The following MYO1B variants were observed in gnomAD, a reference collection of about 807,000 sequenced individuals.
The protein encoded by MYO1B is unconventional myosin-Ib.
Under a neutral mutation model 159.7 loss-of-function variants are expected in MYO1B, and 72 were observed. That is an observed-to-expected ratio of 0.45 (90% CI 0.37 to 0.55). The LOEUF (loss-of-function observed/expected upper bound fraction) is 0.55. Ranked by LOEUF, MYO1B falls within the 20% of genes least tolerant of loss-of-function variation. The pLI is 0.00. For missense variants in MYO1B, 1,062 were observed against 1,364.8 expected (o/e 0.78, Z 3.50); for synonymous variants, 468 against 473.8 (o/e 0.99, Z 0.16).
At chr2:191,343,620 T>C (rs1692371751) in intron 5 of MYO1B, among the ~76,000 whole-genome samples, 1 of 152,226 alleles carries the variant, frequency 6.6e-6, no homozygotes, top group South Asian at 2.1e-4. Context: ...TCTTTTGCTT[T>C]TAAGTTGGGG....
At chr2:191,391,397 A>T (rs919520942) in intron 18 of MYO1B, among the ~76,000 whole-genome samples, 1 of 152,200 alleles carries the variant, frequency 6.6e-6, no homozygotes, top group Non-Finnish European at 1.5e-5. Flanking sequence ...GAAACTCCAG[A>T]TGTATGGTGC....
At chr2:191,419,651 G>A (rs955421622) in intron 30 of MYO1B, among the ~76,000 whole-genome samples, 6 of 152,186 alleles carry the variant, frequency 3.9e-5, no homozygotes, top group Non-Finnish European at 8.8e-5. Context: ...ACAGCCCCAT[G>A]TGTATTATTA....
intron 13 of MYO1B, chr2:191,381,205 G>C: frequency 2.0e-6 from 1 of 488,540 alleles, no homozygotes; most frequent in South Asian, 2.1e-5. Context: ...TGTTTGGGGT[G>C]CTTCTCTGTC....
intron 24 of MYO1B, among the ~76,000 whole-genome samples, chr2:191,403,018 A>T (rs554868393): frequency 2.9e-4 from 44 of 152,300 alleles, no homozygotes; most frequent in African/African-American, 8.9e-4. Flanking sequence ...TTGTTTTTTT[A>T]AAATCTGTGA....
chr2:191,339,275 A>G (rs1389171312), intron 4 of MYO1B, among the ~76,000 whole-genome samples: 4 of 152,216 alleles, frequency 2.6e-5, no homozygotes, highest in Non-Finnish European at 5.9e-5. Context: ...GAAGAGCTAT[A>G]CCTTGGACTA....
chr2:191,346,029 T>G (rs115430833), intron 5 of MYO1B, among the ~76,000 whole-genome samples: 103 of 152,302 alleles, frequency 6.8e-4, no homozygotes, highest in Non-Finnish European at 1.2e-3. Flanking sequence ...ATGATTCTCT[T>G]TTTCTATGAA....
intron 20 of MYO1B, among the ~76,000 whole-genome samples, chr2:191,394,756 TTG>T (rs1695962836): frequency 6.6e-6 from 1 of 152,196 alleles, no homozygotes; most frequent in African/African-American, 2.4e-5. Flanking sequence ...CAAGTACTAT[TTG>T]TACCTTTTCT....
intron 3 of MYO1B, 44 bp downstream of exon 3, chr2:191,296,270 G>T: frequency 8.5e-7 from 1 of 1,180,320 alleles, no homozygotes; most frequent in East Asian, 2.5e-5. Context: ...TTACTCCAGA[G>T]ATGTGTAGTT....
At chr2:191,391,785 T>C (rs563336320) in intron 18 of MYO1B, among the ~76,000 whole-genome samples, 11 of 152,256 alleles carry the variant, frequency 7.2e-5, no homozygotes, top group Admixed American at 2.0e-4. Flanking sequence ...CTGAATTTCT[T>C]GCACACCCTC....
At chr2:191,390,514 TTTAA>T (rs1559226654) in intron 18 of MYO1B, 22 bp downstream of exon 18, 4 of 1,603,270 alleles carry the variant, frequency 2.5e-6, no homozygotes, top group Non-Finnish European at 3.4e-6. Flanking sequence ...AGTGACCATA[TTTAA>T]TAATGAATGT....
intron 1 of MYO1B, among the ~76,000 whole-genome samples, chr2:191,270,603 A>G (rs1162468930): frequency 6.6e-6 from 1 of 152,228 alleles, no homozygotes; most frequent in Non-Finnish European, 1.5e-5. Context: ...GCTATTTTAA[A>G]AGATCTAGGA....
chr2:191,351,454 G>A (rs1306564279), intron 7 of MYO1B, among the ~76,000 whole-genome samples: 1 of 128,368 alleles, frequency 7.8e-6, no homozygotes, highest in Non-Finnish European at 1.7e-5. Flanking sequence ...AAACTATGCA[G>A]CTGATTTAAA....
At chr2:191,416,431 G>A (rs1161435118) in intron 30 of MYO1B, 189 bp downstream of exon 30, 1 of 636,244 alleles carries the variant, frequency 1.6e-6, no homozygotes, top group Non-Finnish European at 2.8e-6. Context: ...TGACATCCTA[G>A]TGGAAGAGAC....
At chr2:191,359,937 G>A (rs1693558038) in intron 7 of MYO1B, among the ~76,000 whole-genome samples, 3 of 152,086 alleles carry the variant, frequency 2.0e-5, no homozygotes, top group Admixed American at 1.3e-4. Flanking sequence ...AGATTTATGG[G>A]TTGAAAAATT....
chr2:191,278,518 C>T (rs1301201999), intron 2 of MYO1B, among the ~76,000 whole-genome samples: 1 of 152,204 alleles, frequency 6.6e-6, no homozygotes, highest in South Asian at 2.1e-4. Context: ...TCATTCTTCT[C>T]ACTTTGTATT....
Position 191,402,737 on chromosome 2 carries a change from G to C in MYO1B, c.2556+19G>C, listed in dbSNP as rs1244967889. ...ACTGAAGGTACTTCCTCAACCACTT[G>C]TTTCTGTCCAGGGTGAACTTCATAA... On this transcript the variant is annotated intron_variant, in intron 24 of 30. Coordinates refer to ENST00000392318, the MANE Select transcript of MYO1B (RefSeq NM_001130158.3). 6.3e-7 allele frequency: 1 copy of C among 1,599,722 alleles called. No homozygotes were observed. Among genetic ancestry groups the C allele is most frequent in the Admixed American group, 1.7e-5 (1 of 58,356 alleles).
At chr2:191,344,370 T>C (rs1692421070) in intron 5 of MYO1B, among the ~76,000 whole-genome samples, 1 of 152,204 alleles carries the variant, frequency 6.6e-6, no homozygotes, top group Non-Finnish European at 1.5e-5. Flanking sequence ...TGCAAATTTC[T>C]TCATTCTGTA....
intron 8 of MYO1B, 80 bp downstream of exon 8, chr2:191,360,809 G>A: frequency 4.0e-6 from 4 of 1,009,516 alleles, no homozygotes; most frequent in Non-Finnish European, 6.0e-6. Context: ...GTCTCACTGT[G>A]TTGCCCAGGC....
chr2:191,407,221 T>C (rs559967922), intron 24 of MYO1B, among the ~76,000 whole-genome samples: 1 of 152,324 alleles, frequency 6.6e-6, no homozygotes, highest in Non-Finnish European at 1.5e-5. Context: ...GATAGAAGAT[T>C]ACTAGCTTAC....
Sources: gnomAD v4.1 joint callset for allele counts (sites outside exome capture counted in the v4.1 genomes callset) on GRCh38, gnomAD v4.1.1 for gene constraint, MANE v1.5 for transcripts, NCBI Gene and HGNC (gene_info 2026-07-23, HGNC 2026-07-21) for gene names.